Variants in KIF1B observed in about 807,000 individuals in gnomAD.
The protein encoded by KIF1B is kinesin family member 1B.
KIF1B carries 76 observed loss-of-function variants against 241.9 expected under a neutral mutation model. That is an observed-to-expected ratio of 0.31 (90% CI 0.26 to 0.38). The LOEUF is 0.38. Ranked by LOEUF, KIF1B falls within the 10% of genes least tolerant of loss-of-function variation. The probability of loss-of-function intolerance (pLI) is 1.00; values close to 1 mark genes in which losing one functional copy is unlikely to be tolerated. For missense variants in KIF1B, 1,622 were observed against 2,271.4 expected (o/e 0.71, Z 5.81); for synonymous variants, 750 against 796.7 (o/e 0.94, Z 0.99).
At chr1:10,360,482 C>T (rs1638391144) in intron 38 of KIF1B, among the ~76,000 whole-genome samples, 3 of 151,870 alleles carry the variant, frequency 2.0e-5, no homozygotes, top group Admixed American at 6.6e-5. Context: ...GTCAGGAGTT[C>T]GAGACCAGCC....
intron 1 of KIF1B, among the ~76,000 whole-genome samples, chr1:10,222,560 T>A (rs1252944664): frequency 6.6e-6 from 1 of 152,252 alleles, no homozygotes; most frequent in African/African-American, 2.4e-5. Flanking sequence ...TATTATTTCA[T>A]TCTTGTTTAT....
chr1:10,296,724 C>CT, intron 20 of KIF1B, 59 bp downstream of exon 20: 1 of 1,525,008 alleles, frequency 6.6e-7, no homozygotes, highest in South Asian at 1.1e-5. Flanking sequence ...TGTGACAACT[C>CT]TAATTTTTGG....
chr1:10,277,938 G>T, intron 12 of KIF1B, 48 bp from the exon 13 acceptor site: 1 of 1,545,498 alleles, frequency 6.5e-7, no homozygotes, highest in South Asian at 1.1e-5. Flanking sequence ...CTTATGAGAA[G>T]TAGAACATAT....
chr1:10,321,052 G>GAAA (rs537241321), intron 23 of KIF1B, among the ~76,000 whole-genome samples: 17 of 135,510 alleles, frequency 1.3e-4, no homozygotes, highest in African/African-American at 4.3e-4. Context: ...CTCTGTAACA[G>GAAA]AAAAAAAAAA....
In KIF1B at chr1:10,303,346, A is replaced by G; in HGVS notation, c.2115+6100A>G. ...TAAAATGTATCAGATACCCCAAAGA[A>G]GGCGCTTGAGTAAAGATTCCAAGTG... On this transcript the variant is annotated intron_variant, in intron 22 of 48. Coordinates refer to ENST00000676179, the MANE Select transcript of KIF1B (RefSeq NM_001365951.3). This position sits in a 1 kb window ranked among gnomAD's most constrained non-coding sequence, Gnocchi z 5.2. 1 of 1,614,226 alleles carries G rather than the reference A, an allele frequency of 6.2e-7. No individual in the cohort carries two copies. The highest frequency in any genetic ancestry group is 1.1e-5 in the South Asian group (1 of 91,090).
intron 44 of KIF1B, among the ~76,000 whole-genome samples, chr1:10,369,111 ACT>A (rs1638651962): frequency 6.6e-6 from 1 of 151,918 alleles, no homozygotes; most frequent in Non-Finnish European, 1.5e-5. Context: ...CTGTGAGTCG[ACT>A]CTGTTAACAC....
At chr1:10,265,097 A>G (rs1232902183) in intron 5 of KIF1B, among the ~76,000 whole-genome samples, 1 of 151,872 alleles carries the variant, frequency 6.6e-6, no homozygotes, top group Non-Finnish European at 1.5e-5. Context: ...CCTCCTGAGT[A>G]ATTTGCACCA....
chr1:10,381,356 T>C lies in KIF1B; in HGVS notation c.*4769T>C. 1 of 224,492 alleles carries C rather than the reference T, an allele frequency of 4.5e-6. No individual in the cohort carries two copies. Among genetic ancestry groups the C allele is most frequent in the African/African-American group, 2.2e-5 (1 of 44,926 alleles). 13.9% of individuals were successfully genotyped at this position (224,492 alleles called of 1,614,324 possible). A position where few individuals can be genotyped will look rare whatever the true frequency, so the allele number is the denominator to read the frequency against. ...CTCCCCCGTGAAGGAGTTGAGCACA[T>C]TAGCAACAATGTACATTAATTTTGG... On this transcript the variant is annotated 3_prime_UTR_variant, in exon 49 of 49. Transcript: ENST00000676179.
chr1:10,366,249 ATAAAAAAT>A (rs775282246), intron 43 of KIF1B, among the ~76,000 whole-genome samples: 100 of 152,236 alleles, frequency 6.6e-4, no homozygotes, highest in Admixed American at 2.6e-3. Context: ...AAATAAAATA[ATAAAAAAT>A]TAAAAAATTA....
intron 1 of KIF1B, among the ~76,000 whole-genome samples, chr1:10,231,859 AAT>A (rs1174597424): frequency 1.3e-5 from 2 of 152,178 alleles, no homozygotes; most frequent in African/African-American, 4.8e-5. Context: ...GTTTTTTATT[AAT>A]AAATAGGGAC....
At chr1:10,342,824 A>C (rs997946737) in intron 33 of KIF1B, among the ~76,000 whole-genome samples, 4 of 152,218 alleles carry the variant, frequency 2.6e-5, no homozygotes, top group Non-Finnish European at 5.9e-5. Flanking sequence ...TCATTACAAA[A>C]AGTTTTTTTT....
chr1:10,304,195 A>C, intron 22 of KIF1B: 1 of 1,614,184 alleles, frequency 6.2e-7, no homozygotes, highest in East Asian at 2.2e-5. Context: ...TAAAGAAGAG[A>C]GCCAAGAAAA....
intron 3 of KIF1B, among the ~76,000 whole-genome samples, chr1:10,256,864 A>G (rs1488556220): frequency 6.6e-6 from 1 of 152,002 alleles, no homozygotes; most frequent in Admixed American, 6.6e-5. Flanking sequence ...GGCGCGTGGC[A>G]CTATGCCCAG....
chr1:10,282,226 C>A, intron 14 of KIF1B, 96 bp from the exon 15 acceptor site: 1 of 998,514 alleles, frequency 1.0e-6, no homozygotes, highest in Non-Finnish European at 1.5e-6. Context: ...TAATGCTGTC[C>A]TTTCTTACAA....
intron 1 of KIF1B, among the ~76,000 whole-genome samples, chr1:10,219,644 G>A (rs1646814528): frequency 1.3e-5 from 2 of 151,978 alleles, no homozygotes; most frequent in Admixed American, 6.6e-5. Context: ...TGTAATCCCA[G>A]CTACTCGGGA....
At chr1:10,315,001 C>T (rs912325226) in intron 22 of KIF1B, among the ~76,000 whole-genome samples, 1 of 149,990 alleles carries the variant, frequency 6.7e-6, no homozygotes, top group South Asian at 2.1e-4. Context: ...AGTTTTTCCC[C>T]GACTCCCCAG....
At chr1:10,220,580 C>G (rs1646832265) in intron 1 of KIF1B, among the ~76,000 whole-genome samples, 1 of 152,210 alleles carries the variant, frequency 6.6e-6, no homozygotes, top group African/African-American at 2.4e-5. Context: ...TGAGGTACAG[C>G]CAAGGAGTTT....
intron 15 of KIF1B, among the ~76,000 whole-genome samples, chr1:10,283,136 G>A (rs1256374667): frequency 2.0e-5 from 3 of 149,668 alleles, no homozygotes; most frequent in African/African-American, 7.5e-5. Context: ...GAACCCAGGA[G>A]GCGGAGCTTG....
At chr1:10,315,824 GACGGGTGGATC>G (rs962375534) in intron 22 of KIF1B, among the ~76,000 whole-genome samples, 3 of 151,250 alleles carry the variant, frequency 2.0e-5, no homozygotes, top group Non-Finnish European at 4.4e-5. Context: ...GGGAGGCCGA[GACGGGTGGATC>G]ACCTGAGGTC....
Sources: allele counts gnomAD v4.1 joint callset (sites outside exome capture counted in the v4.1 genomes callset), GRCh38; gene constraint gnomAD v4.1.1; non-coding constraint Gnocchi (gnomAD v3.1); transcripts MANE v1.5; gene names NCBI Gene and HGNC (gene_info 2026-07-23, HGNC 2026-07-21).